HS2ST1: variants seen among roughly 807,000 people sequenced by gnomAD.
The protein encoded by HS2ST1 is heparan sulfate 2-O-sulfotransferase 1.
A neutral mutation model predicts 42.9 loss-of-function variants in HS2ST1; 18 were observed. The ratio of observed to expected loss-of-function variants is 0.42; its 90% confidence interval spans 0.29 to 0.62. The LOEUF is 0.62. HS2ST1 is among the 20% of genes least tolerant of loss of function. HS2ST1 has a pLI of 0.21. For synonymous variants in HS2ST1, 146 were observed against 152.9 expected, an observed-to-expected ratio of 0.95 and a Z score of 0.33; for missense variants, 334 against 433.8, an observed-to-expected ratio of 0.77 and a Z score of 2.04.
At chr1:86,946,885 A>AT (rs1557489331) in intron 1 of HS2ST1, among the ~76,000 whole-genome samples, 1 of 152,070 alleles carries the variant, frequency 6.6e-6, no homozygotes, top group African/African-American at 2.4e-5. Flanking sequence ...GAGACCTCTT[A>AT]TTTTTTCATA....
intron 1 of HS2ST1, among the ~76,000 whole-genome samples, chr1:86,990,910 C>T (rs1435730245): frequency 1.4e-5 from 2 of 142,106 alleles, no homozygotes; most frequent in Non-Finnish European, 3.0e-5. Context: ...AAACTCCTGA[C>T]CTCAGGGGAT....
At chr1:87,015,353 T>G (rs1649721898) in intron 1 of HS2ST1, among the ~76,000 whole-genome samples, 2 of 149,112 alleles carry the variant, frequency 1.3e-5, no homozygotes, top group African/African-American at 4.9e-5. Flanking sequence ...GCCCTGTTTT[T>G]TTTTTTTTTT....
At chr1:86,925,187 C>A (rs1421136385) in intron 1 of HS2ST1, among the ~76,000 whole-genome samples, 1 of 152,194 alleles carries the variant, frequency 6.6e-6, no homozygotes, top group African/African-American at 2.4e-5. Flanking sequence ...CAGTTCCCAA[C>A]AAATTCCTTG....
chr1:87,010,541 T>A (rs1649568804), intron 1 of HS2ST1, among the ~76,000 whole-genome samples: 1 of 152,172 alleles, frequency 6.6e-6, no homozygotes, highest in African/African-American at 2.4e-5. Flanking sequence ...AGTACCATTC[T>A]GGTAAAGGAG....
At chr1:87,104,429 A>C in intron 6 of HS2ST1, 41 bp from the exon 7 acceptor site, 1 of 1,305,854 alleles carries the variant, frequency 7.7e-7, no homozygotes, top group Non-Finnish European at 1.1e-6. Context: ...GTGTTCTCCA[A>C]GAATTATTTA....
chr1:87,012,120 T>C (rs1170058972), intron 1 of HS2ST1, among the ~76,000 whole-genome samples: 1 of 152,222 alleles, frequency 6.6e-6, no homozygotes, highest in Non-Finnish European at 1.5e-5. Flanking sequence ...TACTTTTTTT[T>C]CCTTCATTTT....
chr1:86,931,149 G>C (rs373848366), intron 1 of HS2ST1, among the ~76,000 whole-genome samples: 1 of 151,960 alleles, frequency 6.6e-6, no homozygotes, highest in Non-Finnish European at 1.5e-5. Flanking sequence ...TGTACATGAC[G>C]TTGAATGTAG....
intron 5 of HS2ST1, 116 bp from the exon 6 acceptor site, chr1:87,103,316 G>A: frequency 2.2e-6 from 2 of 894,604 alleles, no homozygotes; most frequent in Non-Finnish European, 3.3e-6. Flanking sequence ...AAGAGGCATT[G>A]AGGCTTTGGA....
chr1:87,075,556 T>C lies in HS2ST1; in HGVS notation c.363+2384T>C, dbSNP rs544002947. On this transcript the variant is annotated intron_variant, in intron 2 of 6. Coordinates refer to ENST00000370550, the MANE Select transcript of HS2ST1 (RefSeq NM_012262.4). ...ACAACTTAAAAGATGAGATCTTTCT[T>C]AAATCTGTTGTCTCCAGCTTCCGTG... Among the ~76,000 whole-genome samples, 179 of 152,338 alleles carry C rather than the reference T, an allele frequency of 1.2e-3. 1 individual carries two copies. Among genetic ancestry groups the C allele is most frequent in the African/African-American group, 4.0e-3 (168 of 41,574 alleles).
At chr1:86,987,130 C>T (rs1444118639) in intron 1 of HS2ST1, among the ~76,000 whole-genome samples, 1 of 140,178 alleles carries the variant, frequency 7.1e-6, no homozygotes, top group African/African-American at 2.7e-5. Flanking sequence ...AGTGCAGTGG[C>T]ATGATCTTGA....
intron 5 of HS2ST1, among the ~76,000 whole-genome samples, chr1:87,102,360 C>T (rs1342819898): frequency 6.6e-6 from 1 of 152,208 alleles, no homozygotes; most frequent in Non-Finnish European, 1.5e-5. Context: ...ACCAGGCCCC[C>T]AGTCTTTTAA....
At chr1:87,074,349 T>C (rs1195202148) in intron 2 of HS2ST1, among the ~76,000 whole-genome samples, 2 of 152,244 alleles carry the variant, frequency 1.3e-5, no homozygotes, top group Admixed American at 1.3e-4. Flanking sequence ...TATTCTGTTT[T>C]TATACAGTGT....
Position 87,107,402 on chromosome 1 carries a change from G to C in HS2ST1, c.*2706G>C, listed in dbSNP as rs1332520935. 1 of 151,860 alleles carries C rather than the reference G, an allele frequency of 6.6e-6. No homozygotes were observed. Among genetic ancestry groups the C allele is most frequent in the Admixed American group, 6.6e-5 (1 of 15,222 alleles). The allele number at this position is 151,860 out of a possible 1,614,324, so 9.4% of individuals were successfully genotyped here. A position where few individuals can be genotyped will look rare whatever the true frequency, so the allele number is the denominator to read the frequency against. ...ATCCTTTCTGGAGACTGAGAAAGGG[G>C]TGTATTTAATTCCATCAGGTCCAGT... is the stretch of plus-strand genomic sequence containing the variant. On this transcript the variant is annotated 3_prime_UTR_variant, in exon 7 of 7. Transcript: ENST00000370550.
chr1:86,951,168 A>G (rs1332075055), intron 1 of HS2ST1, among the ~76,000 whole-genome samples: 5 of 152,216 alleles, frequency 3.3e-5, no homozygotes, highest in African/African-American at 9.7e-5. Flanking sequence ...TGCATATGAA[A>G]AACATTTACA....
intron 1 of HS2ST1, among the ~76,000 whole-genome samples, chr1:86,945,536 T>C (rs1647305693): frequency 6.9e-6 from 1 of 145,606 alleles, no homozygotes; most frequent in Non-Finnish European, 1.5e-5. Flanking sequence ...CCGCATCTCT[T>C]TTAAAATATG....
intron 1 of HS2ST1, among the ~76,000 whole-genome samples, chr1:86,968,641 A>G (rs1325430006): frequency 6.6e-6 from 1 of 152,068 alleles, no homozygotes; most frequent in African/African-American, 2.4e-5. Context: ...CCTGGCCTCA[A>G]GCATTCCTCC....
intron 3 of HS2ST1, among the ~76,000 whole-genome samples, chr1:87,090,536 GAA>G (rs1651914386): frequency 6.6e-6 from 1 of 151,978 alleles, no homozygotes; most frequent in South Asian, 2.1e-4. Context: ...TGTGTCAAAT[GAA>G]AGCACATAGA....
At chr1:87,021,347 G>T (rs1287584635) in intron 1 of HS2ST1, among the ~76,000 whole-genome samples, 1 of 152,110 alleles carries the variant, frequency 6.6e-6, no homozygotes, top group Non-Finnish European at 1.5e-5. Flanking sequence ...ATATTTGTAG[G>T]CCCTACAAAC....
chr1:87,097,539 G>A (rs1570546349), intron 4 of HS2ST1, among the ~76,000 whole-genome samples: 1 of 152,120 alleles, frequency 6.6e-6, no homozygotes, highest in East Asian at 1.9e-4. Context: ...GACTACAGGC[G>A]CGTGCTACCA....
Sources: allele counts gnomAD v4.1 joint callset (sites outside exome capture counted in the v4.1 genomes callset), GRCh38; gene constraint gnomAD v4.1.1; transcripts MANE v1.5; gene names NCBI Gene and HGNC (gene_info 2026-07-23, HGNC 2026-07-21).